Variants in ARHGAP24 observed in about 807,000 individuals in gnomAD.
The protein encoded by ARHGAP24 is rho GTPase-activating protein 24.
Under a neutral mutation model 76.4 loss-of-function variants are expected in ARHGAP24, and 50 were observed. The observed-to-expected ratio is 0.65, with a 90% CI of 0.52 to 0.83. The LOEUF (loss-of-function observed/expected upper bound fraction) is 0.83, where lower values mean the gene tolerates loss of function less well. Ranked by LOEUF, ARHGAP24 falls within the 40% of genes least tolerant of loss-of-function variation. ARHGAP24 has a pLI of 0.00. For missense variants in ARHGAP24, 930 were observed against 914.2 expected (o/e 1.02, Z -0.22); for synonymous variants, 345 against 323.3 (o/e 1.07, Z -0.72).
intron 1 of ARHGAP24, among the ~76,000 whole-genome samples, chr4:85,563,727 A>T (rs1726690279): frequency 6.6e-6 from 1 of 152,232 alleles, no homozygotes; most frequent in Non-Finnish European, 1.5e-5. Flanking sequence ...CATTGCATCC[A>T]GGGAAAATCT....
intron 4 of ARHGAP24, among the ~76,000 whole-genome samples, chr4:85,940,876 G>T (rs1736915218): frequency 6.6e-6 from 1 of 152,000 alleles, no homozygotes; most frequent in Non-Finnish European, 1.5e-5. Flanking sequence ...ATTTTCTTTG[G>T]TAACAATTCG....
Position 85,994,927 on chromosome 4 carries a change from G to C in ARHGAP24, c.1273G>C (p.Ala425Pro). 2 of 1,614,052 alleles carry C rather than the reference G, an allele frequency of 1.2e-6. No homozygotes were observed. Among genetic ancestry groups the C allele is most frequent in the South Asian group, 2.2e-5 (2 of 91,078 alleles). Reference protein sequence around the residue: ...SPPLMVKKNPAFNKGSGIVTN... With the variant: ...SPPLMVKKNPPFNKGSGIVTN... ...CCCTCTCATGGTCAAAAAGAACCCAGCCTTTAATAAGGGTAGTGGGATAGT... is the reference window on the plus strand; with the variant it reads ...CCCTCTCATGGTCAAAAAGAACCCACCCTTTAATAAGGGTAGTGGGATAGT... The change falls in exon 9 of 10, where the codon GCC becomes CCC. Residue 425 changes from alanine (A) to proline (P), a missense_variant. Physicochemically the swap from Ala to Pro is conservative, Grantham distance 27 (BLOSUM62 -1). Coordinates refer to ENST00000395184, the MANE Select transcript of ARHGAP24 (RefSeq NM_001025616.3).
chr4:85,754,730 G>A (rs188891969), intron 3 of ARHGAP24, among the ~76,000 whole-genome samples: 110 of 152,296 alleles, frequency 7.2e-4, no homozygotes, highest in Non-Finnish European at 4.1e-4. Context: ...ATTGGTAAAA[G>A]GCTTGAACAT....
At chr4:85,603,781 T>G (rs1720107910) in intron 2 of ARHGAP24, among the ~76,000 whole-genome samples, 1 of 152,190 alleles carries the variant, frequency 6.6e-6, no homozygotes, top group Admixed American at 6.5e-5. Context: ...GCACTAATGG[T>G]TCATTAATGT....
chr4:85,903,190 A>G (rs2148792482), intron 3 of ARHGAP24, among the ~76,000 whole-genome samples: 1 of 152,328 alleles, frequency 6.6e-6, no homozygotes, highest in African/African-American at 2.4e-5. Flanking sequence ...CATATTAGGA[A>G]GGGAACAAGG....
intron 2 of ARHGAP24, among the ~76,000 whole-genome samples, chr4:85,721,639 A>G (rs576891318): frequency 6.6e-6 from 1 of 152,310 alleles, no homozygotes; most frequent in South Asian, 2.1e-4. Flanking sequence ...ATTGGTGCTT[A>G]AGATGAATCT....
chr4:85,564,080 T>C (rs753129456), intron 1 of ARHGAP24, among the ~76,000 whole-genome samples: 6 of 152,210 alleles, frequency 3.9e-5, no homozygotes, highest in Non-Finnish European at 8.8e-5. Flanking sequence ...TTATGTCCTT[T>C]GCTTCATCAA....
rs1261673984 is a variant in ARHGAP24 at position 85,973,848 on chromosome 4, T to TTG, written c.733-1039_733-1038insGT. On this transcript the variant is annotated intron_variant, in intron 6 of 9. Transcript: ENST00000395184. ...GCTGCCTATTGTTTTTTTTTTTTTT[T>TTG]TTTTTTTTTTTTGAGACAGAGTCTT... Among the ~76,000 whole-genome samples the TTG allele has an allele frequency of 9.3e-4, 121 of 129,666 alleles. 3 individuals are homozygous for TTG. Among genetic ancestry groups the TTG allele is most frequent in the East Asian group, 7.2e-3 (32 of 4,446 alleles). The allele number at this position is 129,666 out of a possible 152,430, so 85.1% of individuals were successfully genotyped here. A position where few individuals can be genotyped will look rare whatever the true frequency, so the allele number is the denominator to read the frequency against.
chr4:85,972,903 A>G (rs1328288058), intron 6 of ARHGAP24, among the ~76,000 whole-genome samples: 1 of 152,072 alleles, frequency 6.6e-6, no homozygotes, highest in East Asian at 1.9e-4. Flanking sequence ...ATGTTGTGCC[A>G]CTTATAAGTA....
chr4:85,977,702 G>T lies in ARHGAP24; in HGVS notation c.928+11G>T, dbSNP rs1191213449. On this transcript the variant is annotated intron_variant, in intron 8 of 9. Coordinates refer to ENST00000395184, the MANE Select transcript of ARHGAP24 (RefSeq NM_001025616.3). ...TGACTATCATGGAGGGTAAGTAAAT[G>T]ATTATCTTATACCCTTATCAAAAGA... is the stretch of plus-strand genomic sequence containing the variant. 1.2e-6 allele frequency: 2 copies of T among 1,612,958 alleles called. No individual in the cohort carries two copies. The highest frequency in any genetic ancestry group is 2.2e-5 in the East Asian group (1 of 44,822).
chr4:85,749,273 C>T (rs1164151085), intron 3 of ARHGAP24, among the ~76,000 whole-genome samples: 4 of 152,210 alleles, frequency 2.6e-5, no homozygotes, highest in African/African-American at 7.2e-5. Flanking sequence ...ATAGTTGCTT[C>T]TTAGTTGTTG....
intron 3 of ARHGAP24, among the ~76,000 whole-genome samples, chr4:85,835,269 A>G (rs1441388637): frequency 6.6e-6 from 1 of 151,904 alleles, no homozygotes; most frequent in East Asian, 1.9e-4. Context: ...AAAAAAAAGC[A>G]AACTTTGGGC....
chr4:85,607,497 T>A (rs1271184713), intron 2 of ARHGAP24, among the ~76,000 whole-genome samples: 1 of 151,954 alleles, frequency 6.6e-6, no homozygotes, highest in African/African-American at 2.4e-5. Context: ...AAAAATATCA[T>A]GCAGGAATCA....
intron 2 of ARHGAP24, among the ~76,000 whole-genome samples, chr4:85,592,715 C>T (rs774990635): frequency 3.9e-5 from 6 of 152,134 alleles, no homozygotes; most frequent in Non-Finnish European, 5.9e-5. Context: ...TTAACTCCCA[C>T]ATATAAGAGA....
At position 85,495,341 on chromosome 4, in the gene ARHGAP24, ATTTTTTTT is replaced by A. The variant is rs35138716; in HGVS notation, c.-21+19802_-21+19809del. ...AGTCAAGTAAGTACAGAAGTACAGA[ATTTTTTTT>A]TTTTTTTTTTTTTTTTTTTGAGATG... On this transcript the variant is annotated intron_variant, in intron 1 of 9. Coordinates refer to ENST00000395184, the MANE Select transcript of ARHGAP24 (RefSeq NM_001025616.3). 7.8e-3 allele frequency among the ~76,000 whole-genome samples: 413 copies of A among 53,134 alleles called. 1 individual carries two copies. The highest frequency in any genetic ancestry group is 0.011 in the Non-Finnish European group (285 of 26,830). 34.9% of individuals were successfully genotyped at this position (53,134 alleles called of 152,430 possible).
At chr4:85,560,213 CTG>C (rs1726539826) in intron 1 of ARHGAP24, among the ~76,000 whole-genome samples, 1 of 151,798 alleles carries the variant, frequency 6.6e-6, no homozygotes, top group Admixed American at 6.6e-5. Flanking sequence ...TCAGATATCA[CTG>C]TGGTGGTGAA....
At chr4:85,658,301 T>A (rs898203719) in intron 2 of ARHGAP24, among the ~76,000 whole-genome samples, 1 of 152,230 alleles carries the variant, frequency 6.6e-6, no homozygotes, top group African/African-American at 2.4e-5. Context: ...TTTAAAGGAA[T>A]ATGTAGCGGA....
At chr4:85,921,915 C>A (rs575103771) in intron 3 of ARHGAP24, among the ~76,000 whole-genome samples, 8 of 152,198 alleles carry the variant, frequency 5.3e-5, no homozygotes, top group Admixed American at 1.3e-4. Flanking sequence ...ACCATCCCCC[C>A]CCACCACCCC....
rs566947793 is a variant in ARHGAP24 at position 85,624,068 on chromosome 4, T to A, written c.180+53347T>A. On this transcript the variant is annotated intron_variant, in intron 2 of 9. Transcript: ENST00000395184. ...TTTGACTTCCTTTTTCCTAATTGAA[T>A]ACCCTTTATTTCCTTCTCCTGAGTG... Among the ~76,000 whole-genome samples, 5 of 152,356 alleles carry A rather than the reference T, an allele frequency of 3.3e-5. No individual in the cohort carries two copies. The East Asian group carries it at 9.6e-4, about 29-fold the overall frequency.
Sources: allele counts gnomAD v4.1 joint callset (sites outside exome capture counted in the v4.1 genomes callset), GRCh38; gene constraint gnomAD v4.1.1; transcripts MANE v1.5; gene names NCBI Gene and HGNC (gene_info 2026-07-23, HGNC 2026-07-21).